Variants in PARD3 observed in about 807,000 individuals in gnomAD.
PARD3 encodes the protein partitioning defective 3 homolog.
In PARD3, 75 loss-of-function variants were observed where a neutral mutation model predicts 155.4. That is an observed-to-expected ratio of 0.48 (90% CI 0.40 to 0.58). The LOEUF is 0.58. Ranked by LOEUF, PARD3 falls within the 20% of genes least tolerant of loss-of-function variation. PARD3 has a pLI of 0.00. For synonymous variants in PARD3, 576 were observed against 610.5 expected, an observed-to-expected ratio of 0.94 and a Z score of 0.83; for missense variants, 1,642 against 1,721.7, an observed-to-expected ratio of 0.95 and a Z score of 0.82.
intron 21 of PARD3, among the ~76,000 whole-genome samples, chr10:34,281,634 C>T (rs764281287): frequency 5.4e-4 from 82 of 151,938 alleles, no homozygotes; most frequent in Non-Finnish European, 8.8e-4. Context: ...ATCTTGGACC[C>T]GGCTCAGAAC....
At chr10:34,414,679 A>T (rs1040492949) in intron 5 of PARD3, among the ~76,000 whole-genome samples, 3 of 152,044 alleles carry the variant, frequency 2.0e-5, no homozygotes, top group Non-Finnish European at 4.4e-5. Context: ...AGAAAAAAAT[A>T]AACAATCTAT....
At position 34,404,985 on chromosome 10, in the gene PARD3, T is replaced by G. The variant is rs141578795; in HGVS notation, c.715-3068A>C. On this transcript the variant is annotated intron_variant, in intron 5 of 24. Transcript: ENST00000374788. ...TACTGGGAAGGCTGAAGCAAGAAGC[T>G]TGAGCCCAGGAGTTCAAGGCTGCAG... Among the ~76,000 whole-genome samples, 479 of 151,850 alleles carry G rather than the reference T, an allele frequency of 3.2e-3. 7 individuals carry two copies. Among genetic ancestry groups the G allele is most frequent in the Admixed American group, 0.026 (394 of 15,216 alleles).
chr10:34,470,597 T>C (rs1413260742), intron 3 of PARD3, among the ~76,000 whole-genome samples: 2 of 152,240 alleles, frequency 1.3e-5, no homozygotes, highest in African/African-American at 4.8e-5. Flanking sequence ...AGTACCTCTT[T>C]CATCAGGGTA....
At chr10:34,610,756 G>GT (rs1212818730) in intron 2 of PARD3, among the ~76,000 whole-genome samples, 3 of 152,124 alleles carry the variant, frequency 2.0e-5, no homozygotes, top group African/African-American at 7.2e-5. Flanking sequence ...TAAACATTGT[G>GT]TATGTATGAT....
At chr10:34,370,804 T>C (rs1220497895) in intron 12 of PARD3, among the ~76,000 whole-genome samples, 1 of 113,104 alleles carries the variant, frequency 8.8e-6, no homozygotes, top group Non-Finnish European at 1.8e-5. Context: ...CAGATACAAA[T>C]GGGGTGTGTG....
rs183780743 is a variant in PARD3, at chr10:34,403,505, C to T, written c.715-1588G>A. On this transcript the variant is annotated intron_variant, in intron 5 of 24. Coordinates refer to ENST00000374788, the MANE Select transcript of PARD3 (RefSeq NM_001184785.2). ...AAATCATTGAAGAGATAGTAAGAGACGGCAAAGCAGGCAGTAAGGCCCAAC... is the reference window on the plus strand; with the variant it reads ...AAATCATTGAAGAGATAGTAAGAGATGGCAAAGCAGGCAGTAAGGCCCAAC... Among the ~76,000 whole-genome samples the T allele has an allele frequency of 3.9e-5, 6 of 152,238 alleles. No homozygotes were observed. The East Asian group carries it at 5.8e-4, about 15-fold the overall frequency.
At chr10:34,361,664 C>T (rs1200939247) in intron 12 of PARD3, among the ~76,000 whole-genome samples, 1 of 152,150 alleles carries the variant, frequency 6.6e-6, no homozygotes, top group East Asian at 1.9e-4. Flanking sequence ...ATAAAATAAG[C>T]AATATGCTAT....
intron 11 of PARD3, among the ~76,000 whole-genome samples, chr10:34,374,408 A>T (rs1409511838): frequency 6.6e-6 from 1 of 152,126 alleles, no homozygotes; most frequent in African/African-American, 2.4e-5. Flanking sequence ...TTTAATAATA[A>T]TTTTTTTAAA....
intron 2 of PARD3, among the ~76,000 whole-genome samples, chr10:34,626,226 A>C (rs2091975270): frequency 6.6e-6 from 1 of 152,176 alleles, no homozygotes; most frequent in South Asian, 2.1e-4. Flanking sequence ...GGACCAAGAG[A>C]AGAGCAGACT....
At chr10:34,247,022 G>A (rs1455319780) in intron 22 of PARD3, among the ~76,000 whole-genome samples, 1 of 151,990 alleles carries the variant, frequency 6.6e-6, no homozygotes, top group Non-Finnish European at 1.5e-5. Context: ...AAGAGTGTGA[G>A]GCTGCAGTGA....
At chr10:34,807,652 T>C (rs1042622443) in intron 1 of PARD3, among the ~76,000 whole-genome samples, 3 of 151,400 alleles carry the variant, frequency 2.0e-5, no homozygotes, top group South Asian at 2.1e-4. Context: ...AGGTTTTGTG[T>C]ACACATTTTC....
At chr10:34,534,873 A>G (rs527516117) in intron 2 of PARD3, among the ~76,000 whole-genome samples, 3 of 152,278 alleles carry the variant, frequency 2.0e-5, no homozygotes, top group South Asian at 4.1e-4. Context: ...TTAGCCAAGC[A>G]TGATGGTGCA....
chr10:34,341,471 C>T (rs111885741), intron 16 of PARD3, among the ~76,000 whole-genome samples, 156 bp downstream of exon 16: 1,880 of 152,122 alleles, frequency 0.012, 42 homozygotes, highest in African/African-American at 0.043. Flanking sequence ...TTACAGAGTT[C>T]GGGTATAATC....
chr10:34,201,350 T>G (rs1194074067), intron 22 of PARD3, among the ~76,000 whole-genome samples: 1 of 152,184 alleles, frequency 6.6e-6, no homozygotes, highest in African/African-American at 2.4e-5. Context: ...ACTGAAAAAC[T>G]TATTGGAAGG....
In PARD3 at chr10:34,470,068, C is replaced by G; in HGVS notation, c.582+17G>C. On this transcript the variant is annotated intron_variant, in intron 4 of 24. Transcript: ENST00000374788. The stretch of plus-strand genomic sequence containing the variant: ...AGGAGGGGCAAGAGACAGCAGCAAA[C>G]AAGCAGAGGTGGTTACCTTCCTGTC... The G allele has an allele frequency of 6.4e-7, 1 of 1,571,000 alleles. No homozygotes were observed. The highest frequency in any genetic ancestry group is 8.7e-7 in the Non-Finnish European group (1 of 1,156,044).
At chr10:34,271,766 T>C (rs890825900) in intron 21 of PARD3, among the ~76,000 whole-genome samples, 8 of 152,154 alleles carry the variant, frequency 5.3e-5, no homozygotes, top group African/African-American at 1.9e-4. Flanking sequence ...TACTTGCAAA[T>C]GACATGATGA....
At chr10:34,442,487 G>A (rs1180310578) in intron 5 of PARD3, among the ~76,000 whole-genome samples, 2 of 152,128 alleles carry the variant, frequency 1.3e-5, no homozygotes, top group Admixed American at 6.5e-5. Context: ...GGCTCAGGCC[G>A]GTTGTCCTGG....
At chr10:34,290,528 T>C (rs1956627991) in intron 20 of PARD3, among the ~76,000 whole-genome samples, 1 of 152,148 alleles carries the variant, frequency 6.6e-6, no homozygotes. Context: ...GAATCAAATA[T>C]GAGTTCAATG....
At position 34,815,122 on chromosome 10, in the gene PARD3, G is replaced by A. The variant is rs956512942; in HGVS notation, c.-127C>T. On this transcript the variant is annotated 5_prime_UTR_variant, in exon 1 of 25. Coordinates refer to ENST00000374788, the MANE Select transcript of PARD3 (RefSeq NM_001184785.2). The stretch of plus-strand genomic sequence containing the variant: ...CGGGCGCGCGGGCGGCTAGGGGCGC[G>A]GGCAGGCGGCGGCGACGCCGGGGGG... 1.8e-4 allele frequency: 68 copies of A among 387,476 alleles called. No homozygotes were observed. The highest frequency in any genetic ancestry group is 2.2e-4 in the Non-Finnish European group (62 of 279,960). 24.0% of individuals were successfully genotyped at this position (387,476 alleles called of 1,614,324 possible).
Sources: gnomAD v4.1 joint callset for allele counts (sites outside exome capture counted in the v4.1 genomes callset) on GRCh38, gnomAD v4.1.1 for gene constraint, MANE v1.5 for transcripts, NCBI Gene and HGNC (gene_info 2026-07-23, HGNC 2026-07-21) for gene names.